SERPINB8: variants seen among roughly 807,000 people sequenced by gnomAD.
The protein encoded by SERPINB8 is serpin B8.
A neutral mutation model predicts 35.3 loss-of-function variants in SERPINB8; 25 were observed. The observed-to-expected ratio is 0.71, with a 90% CI of 0.52 to 0.99. The LOEUF is 0.99. Among genes scored for constraint, SERPINB8 ranks in the 50% least tolerant of loss-of-function variants. The pLI, the probability that SERPINB8 is intolerant of heterozygous loss-of-function variation, is 0.00. For missense variants in SERPINB8, 484 were observed against 446.5 expected (o/e 1.08, Z -0.76); for synonymous variants, 186 against 160.8 (o/e 1.16, Z -1.19).
intron 1 of SERPINB8, among the ~76,000 whole-genome samples, chr18:63,973,572 T>C (rs111912994): frequency 0.038 from 5,738 of 152,326 alleles, 322 homozygotes; most frequent in African/African-American, 0.13. Context: ...TGCCCATGGC[T>C]ATGTCCTGAA....
At chr18:63,985,656 G>A (rs1568276603) in intron 6 of SERPINB8, among the ~76,000 whole-genome samples, 1 of 152,168 alleles carries the variant, frequency 6.6e-6, no homozygotes, top group Non-Finnish European at 1.5e-5. Context: ...TCAATGGAGT[G>A]TGGCCTGAGA....
intron 1 of SERPINB8, among the ~76,000 whole-genome samples, chr18:63,996,914 G>T (rs898701311): frequency 6.6e-6 from 1 of 152,180 alleles, no homozygotes; most frequent in Non-Finnish European, 1.5e-5. Flanking sequence ...ATTTTGATGG[G>T]ACCCAACTAA....
chr18:63,973,253 G>A (rs974969607), intron 1 of SERPINB8, among the ~76,000 whole-genome samples: 5 of 152,166 alleles, frequency 3.3e-5, no homozygotes, highest in East Asian at 1.9e-4. Context: ...GATGATGAAC[G>A]TTTTTTCACG....
At chr18:63,986,255 TAGAA>T (rs745748324) in intron 6 of SERPINB8, 3 of 1,610,120 alleles carry the variant, frequency 1.9e-6, no homozygotes, top group Non-Finnish European at 2.5e-6. Flanking sequence ...TATTGATAAA[TAGAA>T]AGAGTGATGG....
intron 5 of SERPINB8, among the ~76,000 whole-genome samples, chr18:63,984,832 C>T (rs1191444170): frequency 6.6e-6 from 1 of 151,904 alleles, no homozygotes; most frequent in Non-Finnish European, 1.5e-5. Flanking sequence ...AACACAGCTT[C>T]TTCCAAGGAT....
At chr18:64,007,410 A>G (rs561766075), downstream of SERPINB8, among the ~76,000 whole-genome samples, 5 of 152,320 alleles carry the variant, frequency 3.3e-5, no homozygotes, top group Admixed American at 6.5e-5. Context: ...GAAAGAGATG[A>G]TCTACATTTA....
intron 6 of SERPINB8, among the ~76,000 whole-genome samples, chr18:63,986,050 T>G (rs750381468): frequency 6.6e-6 from 1 of 152,150 alleles, no homozygotes; most frequent in Non-Finnish European, 1.5e-5. Flanking sequence ...TGGCTTCCCT[T>G]TGGAATCAGA....
intron 3 of SERPINB8, among the ~76,000 whole-genome samples, chr18:63,980,997 C>T (rs1242675614): frequency 3.3e-5 from 5 of 152,154 alleles, no homozygotes; most frequent in Non-Finnish European, 7.4e-5. Flanking sequence ...TCCCTTAATC[C>T]CCTCCCTGAT....
At chr18:63,980,366 A>G (rs1316321292) in intron 3 of SERPINB8, among the ~76,000 whole-genome samples, 1 of 152,222 alleles carries the variant, frequency 6.6e-6, no homozygotes, top group Non-Finnish European at 1.5e-5. Flanking sequence ...AAATCTGTTC[A>G]TAAAATTGAG....
At chr18:63,993,644 T>C (rs1454518266), downstream of SERPINB8, among the ~76,000 whole-genome samples, 1 of 152,242 alleles carries the variant, frequency 6.6e-6, no homozygotes, top group Non-Finnish European at 1.5e-5. Context: ...TGTTGAGAGA[T>C]GAGTGTTGAC....
downstream of SERPINB8, among the ~76,000 whole-genome samples, chr18:64,007,114 T>TA (rs2050903577): frequency 6.6e-6 from 1 of 151,082 alleles, no homozygotes; most frequent in East Asian, 1.9e-4. Flanking sequence ...ATGGCACAGA[T>TA]AAAAAAGAGT....
At chr18:63,971,128 C>G (rs1267544696) in intron 1 of SERPINB8, among the ~76,000 whole-genome samples, 1 of 152,094 alleles carries the variant, frequency 6.6e-6, no homozygotes, top group Non-Finnish European at 1.5e-5. Context: ...GTTCTCCCAG[C>G]ACACCCTGAT....
At position 63,985,237 on chromosome 18, in the gene SERPINB8, C is replaced by G. The variant is rs1193177053; in HGVS notation, c.712C>G (p.Leu238Val). ...TCTGCTTCCCGATGACAACACGGACCTCGCCGTGGTAAGCTCCAGGCAATG... is the reference window on the plus strand; with the variant it reads ...TCTGCTTCCCGATGACAACACGGACGTCGCCGTGGTAAGCTCCAGGCAATG... ...VILLPDDNTD[L>V]AVVEKALTYE... Residue 238 changes from leucine to valine, a missense_variant, in exon 6 of 7, where the codon CTC (leucine) becomes GTC (valine). Physicochemically the swap from Leu to Val is conservative, Grantham distance 32. Coordinates refer to ENST00000397985, the MANE Select transcript of SERPINB8 (RefSeq NM_002640.4). 6.2e-7 allele frequency: 1 copy of G among 1,614,142 alleles called. No homozygotes were observed. Among genetic ancestry groups the G allele is most frequent in the Admixed American group, 1.7e-5 (1 of 60,014 alleles).
At position 63,970,239 on chromosome 18, in the gene SERPINB8, C is replaced by A. The variant is rs901072405; in HGVS notation, c.-11+69C>A. The A allele has an allele frequency of 5.9e-5, 14 of 235,868 alleles. No homozygotes were observed. In the Admixed American group the frequency reaches 6.6e-4, roughly 11 times the overall value. The allele number at this position is 235,868 out of a possible 1,614,324, so 14.6% of individuals were successfully genotyped here. Reference sequence around the variant, plus strand: ...GCCCAGGTTCCCGCGGAGGCCACCTCTTCCCTGGAGTGCGTGAGAGAGGGG... The same window carrying A: ...GCCCAGGTTCCCGCGGAGGCCACCTATTCCCTGGAGTGCGTGAGAGAGGGG... On this transcript the variant is annotated intron_variant, in intron 1 of 6. Coordinates refer to ENST00000397985, the MANE Select transcript of SERPINB8 (RefSeq NM_002640.4).
intron 1 of SERPINB8, among the ~76,000 whole-genome samples, chr18:63,994,493 G>A (rs1007689403): frequency 6.6e-6 from 1 of 152,156 alleles, no homozygotes; most frequent in African/African-American, 2.4e-5. Flanking sequence ...CAGAACACTT[G>A]CCAGCCATGC....
At chr18:63,990,276 A>C (rs1212373960), downstream of SERPINB8, among the ~76,000 whole-genome samples, 1 of 151,820 alleles carries the variant, frequency 6.6e-6, no homozygotes, top group African/African-American at 2.4e-5. Flanking sequence ...GGGTTTCCCC[A>C]TGTTGGCCAG....
chr18:63,989,813 G>A (rs974141665), downstream of SERPINB8, among the ~76,000 whole-genome samples: 2 of 150,344 alleles, frequency 1.3e-5, no homozygotes, highest in Non-Finnish European at 3.0e-5. Context: ...CGTAGTGGTG[G>A]GCGCCTGTAG....
intron 1 of SERPINB8, among the ~76,000 whole-genome samples, chr18:63,994,920 G>C (rs968080329): frequency 6.6e-6 from 1 of 152,210 alleles, no homozygotes; most frequent in Non-Finnish European, 1.5e-5. Flanking sequence ...GGCATGGAAA[G>C]AGTGGCTGCT....
chr18:64,004,744 T>C (rs1207820926), intron 1 of SERPINB8: 1 of 398,044 alleles, frequency 2.5e-6, no homozygotes, highest in Non-Finnish European at 4.4e-6. Context: ...ACAGAAACTT[T>C]AAAGGAATGC....
Sources: allele counts gnomAD v4.1 joint callset (sites outside exome capture counted in the v4.1 genomes callset), GRCh38; gene constraint gnomAD v4.1.1; transcripts MANE v1.5; gene names NCBI Gene and HGNC (gene_info 2026-07-23, HGNC 2026-07-21).